FBLN2: variants seen among roughly 807,000 people sequenced by gnomAD.
FBLN2 encodes fibulin-2.
FBLN2 carries 81 observed loss-of-function variants against 123.7 expected under a neutral mutation model. The observed-to-expected ratio is 0.65, with a 90% CI of 0.55 to 0.79. FBLN2 has a LOEUF of 0.79. FBLN2 is among the 30% of genes least tolerant of loss of function. The pLI is 0.00. For synonymous variants in FBLN2, 699 were observed against 701.4 expected, an observed-to-expected ratio of 1.00 and a Z score of 0.05; for missense variants, 1,603 against 1,681.3, an observed-to-expected ratio of 0.95 and a Z score of 0.81.
At chr3:13,589,253 C>T (rs1305099219) in intron 2 of FBLN2, among the ~76,000 whole-genome samples, 1 of 152,156 alleles carries the variant, frequency 6.6e-6, no homozygotes, top group Non-Finnish European at 1.5e-5. Context: ...GGATGACAGT[C>T]GCACACATCA....
In FBLN2 at chr3:13,619,764, T is replaced by TG. The variant is rs745597156; in HGVS notation, c.2093dup (p.Ser699LeufsTer20). ...CCTGCAAGCAGGTGTGCAGCACTGTTGGGGGCTCAGCCATATGCTCCTGTT... is the reference window on the plus strand; with the variant it reads ...CCTGCAAGCAGGTGTGCAGCACTGTTGGGGGGCTCAGCCATATGCTCCTGTT... On this transcript the variant is annotated frameshift_variant, in exon 8 of 18. Coordinates refer to ENST00000404922, the MANE Select transcript of FBLN2 (RefSeq NM_001004019.2). LOFTEE classifies it high-confidence loss of function. 1 of 1,613,360 alleles carries TG rather than the reference T, an allele frequency of 6.2e-7. No homozygotes were observed. The highest frequency in any genetic ancestry group is 1.1e-5 in the South Asian group (1 of 90,970).
At chr3:13,631,955 G>A (rs1328085022) in intron 16 of FBLN2, among the ~76,000 whole-genome samples, 1 of 152,150 alleles carries the variant, frequency 6.6e-6, no homozygotes, top group Non-Finnish European at 1.5e-5. Context: ...CATCAGAGCT[G>A]TGTAGAGCTG....
intron 1 of FBLN2, among the ~76,000 whole-genome samples, chr3:13,554,603 T>TTGGAG (rs1703414152): frequency 6.6e-6 from 1 of 152,180 alleles, no homozygotes; most frequent in Non-Finnish European, 1.5e-5. Flanking sequence ...TCCCTAGTCC[T>TTGGAG]CGTGGTGGTT....
intron 1 of FBLN2, among the ~76,000 whole-genome samples, chr3:13,565,237 C>T (rs996392581): frequency 4.6e-5 from 7 of 152,260 alleles, no homozygotes; most frequent in Admixed American, 3.3e-4. Context: ...CCCCCACCCA[C>T]AGCAGGGATT....
At chr3:13,634,243 C>T (rs1478847656) in intron 16 of FBLN2, among the ~76,000 whole-genome samples, 1 of 152,242 alleles carries the variant, frequency 6.6e-6, no homozygotes, top group Non-Finnish European at 1.5e-5. Context: ...TGCGGCTGAC[C>T]CTGGCTGTCT....
In FBLN2 at chr3:13,571,488, G is replaced by T. The variant is rs748771597; in HGVS notation, c.1133G>T (p.Arg378Met). The change falls in exon 2 of 18, where the codon AGG becomes ATG. Residue 378 changes from arginine (R) to methionine (M), a missense_variant. Coordinates refer to ENST00000404922, the MANE Select transcript of FBLN2 (RefSeq NM_001004019.2). ...ACTCAGGCCGTGCCTGGCTCTCCCA[G>T]GGACCCAGTCAAGCCCAGCCCCCAC... ...VPTQAVPGSPRDPVKPSPHNI... is the reference protein window; with the variant it reads ...VPTQAVPGSPMDPVKPSPHNI... The T allele has an allele frequency of 1.2e-6, 2 of 1,613,608 alleles. No individual in the cohort carries two copies. Among genetic ancestry groups the T allele is most frequent in the Non-Finnish European group, 1.7e-6 (2 of 1,179,852 alleles).
At position 13,570,922 on chromosome 3, in the gene FBLN2, C is replaced by T. The variant is rs111296106; in HGVS notation, c.567C>T (p.Pro189=). The part of the protein sequence containing the change: ...GNFSDAEEGD[P]ERHYEDPYSY... ...TCTCAGATGCCGAGGAGGGTGACCC[C>T]GAGCGACACTACGAAGACCCCTACA... is the stretch of plus-strand genomic sequence containing the variant. The change falls in exon 2 of 18, where the codon CCC becomes CCT. Residue 189 remains proline, a synonymous_variant. Coordinates refer to ENST00000404922, the MANE Select transcript of FBLN2 (RefSeq NM_001004019.2). The T allele has an allele frequency of 2.1e-5, 34 of 1,612,888 alleles. No individual in the cohort carries two copies. The highest frequency in any genetic ancestry group is 8.0e-5 in the African/African-American group (6 of 75,030).
chr3:13,637,950 C>T lies in FBLN2; in HGVS notation c.*31C>T, dbSNP rs370950427. ...CAGCACGGGCCACCTGCGGGTGTGG[C>T]GCAGCCCAGGGCTCACACTGCGTGG... On this transcript the variant is annotated 3_prime_UTR_variant, in exon 18 of 18. Transcript: ENST00000404922. 2.4e-5 allele frequency: 37 copies of T among 1,541,902 alleles called. No homozygotes were observed. The African/African-American group carries it at 3.1e-4, about 13-fold the overall frequency.
At chr3:13,600,020 A>AGAGAGAGAGAGAGAGAGAGAGC in intron 2 of FBLN2, among the ~76,000 whole-genome samples, 17 of 92,210 alleles carry the variant, frequency 1.8e-4, no homozygotes, top group African/African-American at 1.3e-3. Context: ...AACACGACAG[A>AGAGAGAGAGAGAGAGAGAGAGC]GAGAGAGAGA....
intron 5 of FBLN2, 115 bp downstream of exon 5, chr3:13,614,279 C>A: frequency 9.7e-7 from 1 of 1,030,540 alleles, no homozygotes; most frequent in Non-Finnish European, 1.4e-6. Context: ...AAGTTCTGCT[C>A]TAAACAGAGT....
chr3:13,550,108 C>T (rs1703281507), intron 1 of FBLN2, among the ~76,000 whole-genome samples: 1 of 152,240 alleles, frequency 6.6e-6, no homozygotes, highest in Non-Finnish European at 1.5e-5. Context: ...GTGAGTCTCA[C>T]ATACGAGTCA....
intron 5 of FBLN2, among the ~76,000 whole-genome samples, chr3:13,616,499 C>T (rs1399833163): frequency 3.9e-5 from 6 of 152,206 alleles, no homozygotes; most frequent in Non-Finnish European, 7.3e-5. Flanking sequence ...TGAGTCTCTG[C>T]GGGACCAGAC....
intron 3 of FBLN2, 29 bp downstream of exon 3, chr3:13,608,202 G>A: frequency 6.6e-7 from 1 of 1,517,452 alleles, no homozygotes; most frequent in Non-Finnish European, 9.0e-7. Context: ...AGCAGGCGGA[G>A]CTGCCCATTT....
At position 13,550,954 on chromosome 3, in the gene FBLN2, C is replaced by T. The variant is rs186700876; in HGVS notation, c.-42+1746C>T. Among the ~76,000 whole-genome samples the T allele has an allele frequency of 2.3e-3, 346 of 152,312 alleles. 2 individuals carry two copies. Among genetic ancestry groups the T allele is most frequent in the African/African-American group, 7.9e-3 (327 of 41,576 alleles). ...AATTGGCAGTTTTCACGTAAAAGTC[C>T]GGATTTCCGTCTTCTCTTGAAAAGT... On this transcript the variant is annotated intron_variant, in intron 1 of 17. Transcript: ENST00000404922.
chr3:13,560,625 C>A (rs1703576976), intron 1 of FBLN2, among the ~76,000 whole-genome samples: 1 of 152,184 alleles, frequency 6.6e-6, no homozygotes, highest in Admixed American at 6.5e-5. Flanking sequence ...AGACATTTGC[C>A]CGCGAGGAAA....
At chr3:13,612,725 A>G (rs1705447606) in intron 4 of FBLN2, among the ~76,000 whole-genome samples, 1 of 152,162 alleles carries the variant, frequency 6.6e-6, no homozygotes, top group Non-Finnish European at 1.5e-5. Context: ...TAAAATGAGG[A>G]TAATAATCCA....
At chr3:13,580,293 G>A (rs150074637) in intron 2 of FBLN2, among the ~76,000 whole-genome samples, 48 of 152,284 alleles carry the variant, frequency 3.2e-4, no homozygotes, top group Admixed American at 9.1e-4. Context: ...CCTGGTAGAC[G>A]TTGTTCACTT....
chr3:13,557,007 G>A (rs1003986867), intron 1 of FBLN2, among the ~76,000 whole-genome samples: 3 of 152,226 alleles, frequency 2.0e-5, no homozygotes, highest in African/African-American at 4.8e-5. Context: ...AATGAGGCCC[G>A]CCACATGGCA....
chr3:13,609,180 GCTC>G (rs1294033485), intron 3 of FBLN2, among the ~76,000 whole-genome samples: 1 of 152,234 alleles, frequency 6.6e-6, no homozygotes, highest in Non-Finnish European at 1.5e-5. Context: ...CGGAGGCTGT[GCTC>G]CTCCAGGCTG....
Sources: allele counts gnomAD v4.1 joint callset (sites outside exome capture counted in the v4.1 genomes callset), GRCh38; gene constraint gnomAD v4.1.1; transcripts MANE v1.5; gene names NCBI Gene and HGNC (gene_info 2026-07-23, HGNC 2026-07-21).